Variants in CEP112 observed in about 807,000 individuals in gnomAD.
CEP112 encodes the protein centrosomal protein 112.
CEP112 carries 127 observed loss-of-function variants against 153.0 expected under a neutral mutation model. That is an observed-to-expected ratio of 0.83 (90% CI 0.72 to 0.96). The LOEUF (loss-of-function observed/expected upper bound fraction) is 0.96, where lower values mean the gene tolerates loss of function less well. Among genes scored for constraint, CEP112 ranks in the 40% least tolerant of loss-of-function variants. The probability of loss-of-function intolerance (pLI) is 0.00; values close to 1 mark genes in which losing one functional copy is unlikely to be tolerated. For missense variants in CEP112, 1,089 were observed against 1,101.2 expected, an observed-to-expected ratio of 0.99 and a Z score of 0.16; for synonymous variants, 358 against 374.4, an observed-to-expected ratio of 0.96 and a Z score of 0.51.
At chr17:65,997,471 T>A (rs966921669) in intron 17 of CEP112, among the ~76,000 whole-genome samples, 7 of 152,152 alleles carry the variant, frequency 4.6e-5, no homozygotes, top group Non-Finnish European at 7.3e-5. Flanking sequence ...TGGTTTACAC[T>A]CTGCTCCACT....
intron 7 of CEP112, 122 bp downstream of exon 7, chr17:66,096,463 T>C: frequency 8.7e-7 from 1 of 1,152,228 alleles, no homozygotes. Flanking sequence ...TTCCAAGTGA[T>C]AAAATTCAAA....
At chr17:65,773,883 A>T (rs1403407272) in intron 21 of CEP112, among the ~76,000 whole-genome samples, 1 of 152,074 alleles carries the variant, frequency 6.6e-6, no homozygotes. Context: ...TCAGGAGTTC[A>T]AGACCAGCCT....
At chr17:65,674,105 A>T (rs1374939921) in intron 24 of CEP112, among the ~76,000 whole-genome samples, 2 of 152,192 alleles carry the variant, frequency 1.3e-5, no homozygotes, top group Non-Finnish European at 2.9e-5. Flanking sequence ...TCCTGACCTC[A>T]GGCAATCCGC....
chr17:65,985,298 G>T lies in CEP112; in HGVS notation c.1736+20392C>A, dbSNP rs528384114. Among the ~76,000 whole-genome samples the T allele has an allele frequency of 3.7e-4, 57 of 152,198 alleles. No homozygotes were observed. In the South Asian group the frequency reaches 6.2e-3, roughly 17 times the overall value. ...TAATTGTAAGAGGAAGCAAAGAACT[G>T]GTGGAAGGATTGGTACAAAGAAAAC... On this transcript the variant is annotated intron_variant, in intron 17 of 26. Coordinates refer to ENST00000535342, the MANE Select transcript of CEP112 (RefSeq NM_001199165.4).
At chr17:65,723,461 G>T (rs538938136) in intron 23 of CEP112, among the ~76,000 whole-genome samples, 42 of 152,310 alleles carry the variant, frequency 2.8e-4, no homozygotes, top group African/African-American at 9.1e-4. Context: ...TCCAGTTGAG[G>T]TCTTGTAAGC....
intron 23 of CEP112, among the ~76,000 whole-genome samples, chr17:65,733,424 T>C (rs2050625790): frequency 6.6e-6 from 1 of 152,022 alleles, no homozygotes; most frequent in South Asian, 2.1e-4. Flanking sequence ...GCACATGCTG[T>C]TGGAAAAATG....
intron 23 of CEP112, among the ~76,000 whole-genome samples, chr17:65,734,599 C>T (rs751901806): frequency 8.9e-4 from 135 of 152,120 alleles, no homozygotes; most frequent in Non-Finnish European, 1.3e-3. Context: ...AGTGAGACAA[C>T]TAGCTATGTT....
chr17:66,146,340 T>C (rs2146646222), intron 4 of CEP112, among the ~76,000 whole-genome samples: 1 of 152,190 alleles, frequency 6.6e-6, no homozygotes, highest in Admixed American at 6.5e-5. Context: ...CAGTATTTAG[T>C]TTTTCTGTCT....
intron 3 of CEP112, 67 bp from the exon 4 acceptor site, chr17:66,175,283 T>C: frequency 1.7e-6 from 2 of 1,149,770 alleles, no homozygotes; most frequent in African/African-American, 1.6e-5. Flanking sequence ...AAAATTTCCA[T>C]CAAGTTTCAA....
At chr17:66,081,478 A>G (rs2067714856) in intron 8 of CEP112, among the ~76,000 whole-genome samples, 1 of 152,208 alleles carries the variant, frequency 6.6e-6, no homozygotes, top group African/African-American at 2.4e-5. Flanking sequence ...TTATCAAATT[A>G]TGTGACATTA....
chr17:65,917,159 T>C lies in CEP112; in HGVS notation c.1980+10423A>G, dbSNP rs190764833. On this transcript the variant is annotated intron_variant, in intron 19 of 26. Coordinates refer to ENST00000535342, the MANE Select transcript of CEP112 (RefSeq NM_001199165.4). ...AGCTGCATTCCCTGAATTTGGTGCT[T>C]ATTCAAAGAAGTAAGTTGAAAGGAA... Among the ~76,000 whole-genome samples, 746 of 152,204 alleles carry C rather than the reference T, an allele frequency of 4.9e-3. 8 individuals carry two copies. The highest frequency in any genetic ancestry group is 0.017 in the African/African-American group (711 of 41,526).
At chr17:65,831,941 A>T (rs1598725667) in intron 21 of CEP112, among the ~76,000 whole-genome samples, 1 of 10,852 alleles carries the variant, frequency 9.2e-5, no homozygotes. Context: ...ATAATTGGAC[A>T]AAAAACAATC....
chr17:65,677,620 A>G lies in CEP112; in HGVS notation c.2697+11509T>C, dbSNP rs16962620. 9.1e-3 allele frequency among the ~76,000 whole-genome samples: 1,383 copies of G among 152,290 alleles called. 21 individuals carry two copies. Among genetic ancestry groups the G allele is most frequent in the African/African-American group, 0.032 (1,324 of 41,562 alleles). On this transcript the variant is annotated intron_variant, in intron 24 of 26. Transcript: ENST00000535342. ...GACGTACATCTGGTACCTTTAAAACATCTCTACTTCGGCTGGGTGTGGTGG... is the reference window on the plus strand; with the variant it reads ...GACGTACATCTGGTACCTTTAAAACGTCTCTACTTCGGCTGGGTGTGGTGG...
At chr17:66,012,143 A>C (rs965640739) in intron 16 of CEP112, among the ~76,000 whole-genome samples, 1 of 152,210 alleles carries the variant, frequency 6.6e-6, no homozygotes, top group Non-Finnish European at 1.5e-5. Context: ...TCTCAAAGAC[A>C]GCATACCATT....
At position 66,042,162 on chromosome 17, in the gene CEP112, A is replaced by G. The variant is rs552656057; in HGVS notation, c.1218+11574T>C. ...TCAGGAGTTCGAGACCAGCCTGGCC[A>G]ACATGGCAAAACCCTGTCTCTACTG... On this transcript the variant is annotated intron_variant, in intron 12 of 26. Transcript: ENST00000535342. 1.5e-4 allele frequency among the ~76,000 whole-genome samples: 23 copies of G among 152,288 alleles called. No individual in the cohort carries two copies. In the East Asian group the frequency reaches 4.4e-3, roughly 29 times the overall value.
intron 18 of CEP112, among the ~76,000 whole-genome samples, chr17:65,954,076 C>T (rs1277903100): frequency 6.6e-6 from 1 of 152,186 alleles, no homozygotes; most frequent in Non-Finnish European, 1.5e-5. Flanking sequence ...AAAAACACAA[C>T]CAAGAACCCT....
chr17:65,689,146 A>C lies in CEP112; in HGVS notation c.2680T>G (p.Leu894Val), dbSNP rs773829533. 3 of 1,612,166 alleles carry C rather than the reference A, an allele frequency of 1.9e-6. No homozygotes were observed. The highest frequency in any genetic ancestry group is 2.5e-6 in the Non-Finnish European group (3 of 1,178,370). ...GAGGGTACCTGTTCCTGTGACTCCA[A>C]TTCTTTGTGTTGTAATTTTTTCTCT... ...CAEKKLQHKE[L>V]ESQEQITYIR... is the part of the protein sequence containing the mutation. The change falls in exon 24 of 27, where the codon TTG becomes GTG. Residue 894 changes from leucine to valine, a missense_variant. Coordinates refer to ENST00000535342, the MANE Select transcript of CEP112 (RefSeq NM_001199165.4).
intron 24 of CEP112, among the ~76,000 whole-genome samples, chr17:65,652,689 C>T (rs924855276): frequency 6.6e-6 from 1 of 152,024 alleles, no homozygotes; most frequent in African/African-American, 2.4e-5. Flanking sequence ...AAGTACCTTA[C>T]CAAAAGCTCC....
At chr17:65,912,693 A>T (rs1454219419) in intron 19 of CEP112, among the ~76,000 whole-genome samples, 1 of 152,234 alleles carries the variant, frequency 6.6e-6, no homozygotes, top group African/African-American at 2.4e-5. Context: ...CACATTTTTT[A>T]AAAATAAAGA....
Sources: gnomAD v4.1 joint callset for allele counts (sites outside exome capture counted in the v4.1 genomes callset) on GRCh38, gnomAD v4.1.1 for gene constraint, MANE v1.5 for transcripts, NCBI Gene and HGNC (gene_info 2026-07-23, HGNC 2026-07-21) for gene names.